The following RAG1 variants were observed in gnomAD, a reference collection of about 807,000 sequenced individuals.
RAG1 encodes the protein V(D)J recombination-activating protein 1.
In RAG1, 35 loss-of-function variants were observed where a neutral mutation model predicts 62.7. The ratio of observed to expected loss-of-function variants is 0.56; its 90% CI spans 0.43 to 0.74. RAG1 has a LOEUF of 0.74. Ranked by LOEUF, RAG1 falls within the 30% of genes least tolerant of loss-of-function variation. RAG1 has a pLI of 0.00. For missense variants in RAG1, 1,169 were observed against 1,278.6 expected (o/e 0.91, Z 1.31); for synonymous variants, 461 against 470.3 (o/e 0.98, Z 0.26).
At chr11:36,513,176 G>A (rs1237113098) in intron 1 of RAG1, among the ~76,000 whole-genome samples, 1 of 152,134 alleles carries the variant, frequency 6.6e-6, no homozygotes, top group Non-Finnish European at 1.5e-5. Flanking sequence ...ACAGCAAGAA[G>A]GCTCTTGCAA....
chr11:36,567,511 C>T (rs1850678108), upstream of RAG1: 1 of 152,030 alleles, frequency 6.6e-6, no homozygotes, highest in South Asian at 2.1e-4. Context: ...AAGATTTGAC[C>T]AGGTTGAAAG....
chr11:36,539,373 G>A (rs1860379571), downstream of RAG1, among the ~76,000 whole-genome samples: 1 of 152,216 alleles, frequency 6.6e-6, no homozygotes, highest in Non-Finnish European at 1.5e-5. Flanking sequence ...AAGCCATCCA[G>A]TCTGTGGTGT....
chr11:36,574,282 C>A lies in RAG1; in HGVS notation c.978C>A (p.Ser326Arg). ...CILRCLKVMG[S>R]YCPSCRYPCF... ...TCAGATGCCTCAAAGTCATGGGCAG[C>A]TATTGTCCCTCTTGCCGATATCCAT... is the stretch of plus-strand genomic sequence containing the variant. The change falls in exon 2 of 2, where the codon AGC becomes AGA. Residue 326 changes from serine (S) to arginine (R), a missense_variant. Ser to Arg is a moderately radical substitution (Grantham distance 110). Around this residue, in one of 2 missense-constraint regions of RAG1, gnomAD observed 800 missense variants for 943.3 expected, o/e 0.85. Coordinates refer to ENST00000299440, the MANE Select transcript of RAG1 (RefSeq NM_000448.3). 6 of 1,614,204 alleles carry A rather than the reference C, an allele frequency of 3.7e-6. No individual in the cohort carries two copies. The highest frequency in any genetic ancestry group is 5.1e-6 in the Non-Finnish European group (6 of 1,180,038).
Position 36,575,096 on chromosome 11 carries a change from G to C in RAG1, c.1792G>C (p.Val598Leu). 2 of 1,614,184 alleles carry C rather than the reference G, an allele frequency of 1.2e-6. No individual in the cohort carries two copies. Among genetic ancestry groups the C allele is most frequent in the South Asian group, 1.1e-5 (1 of 91,070 alleles). Reference protein sequence around the residue: ...DYLNGPFTVVVKESCDGMGDV... With the variant: ...DYLNGPFTVVLKESCDGMGDV... ...CCTGAATGGCCCCTTCACTGTGGTG[G>C]TGAAGGAGTCTTGTGATGGAATGGG... The change falls in exon 2 of 2, where the codon GTG becomes CTG. Residue 598 changes from valine (V) to leucine (L), a missense_variant. Physicochemically the swap from Val to Leu is conservative, Grantham distance 32. Coordinates refer to ENST00000299440, the MANE Select transcript of RAG1 (RefSeq NM_000448.3). This position sits in a 1 kb window ranked among gnomAD's most constrained non-coding sequence, Gnocchi z 4.1.
Position 36,578,895 on chromosome 11 carries a change from A to T in RAG1, c.*2459A>T, listed in dbSNP as rs1321770615. ...GCATTTGTGTGTGTATGTGTGAAGT[A>T]TATACTGGGACTTCAGAAGTGCAAT... On this transcript the variant is annotated 3_prime_UTR_variant, in exon 2 of 2. Transcript: ENST00000299440. 1 of 167,086 alleles carries T rather than the reference A, an allele frequency of 6.0e-6. No individual in the cohort carries two copies. Among genetic ancestry groups the T allele is most frequent in the Non-Finnish European group, 1.5e-5 (1 of 68,118 alleles). 10.4% of individuals were successfully genotyped at this position (167,086 alleles called of 1,614,324 possible).
intron 3 of RAG1, among the ~76,000 whole-genome samples, chr11:36,562,892 A>G (rs1357390439): frequency 6.6e-6 from 1 of 152,080 alleles, no homozygotes; most frequent in Non-Finnish European, 1.5e-5. Flanking sequence ...AATCTCCATA[A>G]TTGTGTGATC....
chr11:36,547,184 C>A (rs980908157), intron 3 of RAG1, among the ~76,000 whole-genome samples: 3 of 152,084 alleles, frequency 2.0e-5, no homozygotes, highest in Non-Finnish European at 4.4e-5. Context: ...TGGGGAAGAT[C>A]TAAAATCGAC....
Position 36,524,719 on chromosome 11 carries a change from G to A in RAG1, n.428+4490G>A, listed in dbSNP as rs181333308. 7.0e-4 allele frequency among the ~76,000 whole-genome samples: 107 copies of A among 152,122 alleles called. 1 individual carries two copies. The South Asian group carries it at 0.01, about 14-fold the overall frequency. The stretch of plus-strand genomic sequence containing the variant: ...TTGCCAGAGTTGGCCTCAAACTCCT[G>A]GATTCAAGCGACCCACCCACCTCGG... On this transcript the variant is annotated intron_variant and non_coding_transcript_variant, in intron 2 of 2. Coordinates refer to the RAG1 transcript ENST00000529126.
At position 36,579,419 on chromosome 11, in the gene RAG1, A is replaced by C. The variant is rs1458701673; in HGVS notation, c.*2983A>C. The C allele has an allele frequency of 6.0e-6, 1 of 167,060 alleles. No individual in the cohort carries two copies. The highest frequency in any genetic ancestry group is 1.5e-5 in the Non-Finnish European group (1 of 68,126). 10.3% of individuals were successfully genotyped at this position (167,060 alleles called of 1,614,324 possible). On this transcript the variant is annotated 3_prime_UTR_variant, in exon 2 of 2. Transcript: ENST00000299440. ...ACCCATTTTACATTTTCTTATTTTA[A>C]CTACAGTAATCTACATAAATATACC...
chr11:36,549,258 C>A (rs964044784), intron 3 of RAG1, among the ~76,000 whole-genome samples: 8 of 152,138 alleles, frequency 5.3e-5, no homozygotes, highest in Non-Finnish European at 7.4e-5. Flanking sequence ...GCAACAAAAG[C>A]CAAAATTGAC....
downstream of RAG1, among the ~76,000 whole-genome samples, chr11:36,538,783 C>T (rs1003809870): frequency 4.6e-5 from 7 of 152,104 alleles, no homozygotes; most frequent in African/African-American, 9.7e-5. Flanking sequence ...TTATCTGAGG[C>T]GGATTTTCAA....
intron 3 of RAG1, among the ~76,000 whole-genome samples, chr11:36,546,986 A>C (rs868828751): frequency 1.3e-5 from 2 of 151,708 alleles, no homozygotes; most frequent in African/African-American, 2.4e-5. Flanking sequence ...GGCTGCCCTT[A>C]ACATTTTTTC....
chr11:36,560,315 G>T (rs945906704), intron 3 of RAG1, among the ~76,000 whole-genome samples: 1 of 152,160 alleles, frequency 6.6e-6, no homozygotes, highest in South Asian at 2.1e-4. Context: ...GGCATGCATG[G>T]CAGTGCCCCT....
At chr11:36,535,044 G>C (rs891004657) in intron 2 of RAG1, among the ~76,000 whole-genome samples, 1 of 152,066 alleles carries the variant, frequency 6.6e-6, no homozygotes, top group Admixed American at 6.5e-5. Flanking sequence ...TTTGACTGGA[G>C]GATTGTTCCA....
intron 2 of RAG1, among the ~76,000 whole-genome samples, chr11:36,530,005 CTA>C (rs1340506174): frequency 6.6e-6 from 1 of 151,974 alleles, no homozygotes; most frequent in African/African-American, 2.4e-5. Context: ...TCCTTAATAA[CTA>C]TGCAACTACT....
intron 1 of RAG1, among the ~76,000 whole-genome samples, chr11:36,513,737 C>A (rs949569476): frequency 1.3e-5 from 2 of 152,170 alleles, no homozygotes; most frequent in African/African-American, 4.8e-5. Context: ...TCTTACATGG[C>A]AGCAGACAAG....
At chr11:36,544,269 A>G (rs372648219) in intron 3 of RAG1, among the ~76,000 whole-genome samples, 21 of 152,324 alleles carry the variant, frequency 1.4e-4, no homozygotes, top group African/African-American at 4.3e-4. Flanking sequence ...AAGTGTTCTT[A>G]TCAGAGAAGA....
At chr11:36,539,456 T>A (rs1250085159), downstream of RAG1, among the ~76,000 whole-genome samples, 1 of 152,204 alleles carries the variant, frequency 6.6e-6, no homozygotes, top group Non-Finnish European at 1.5e-5. Flanking sequence ...AGAGACTTCT[T>A]CTGGGGATCT....
Position 36,576,415 on chromosome 11 carries a change from C to G in RAG1, c.3111C>G (p.Ser1037Arg), listed in dbSNP as rs767836814. The change falls in exon 2 of 2, where the codon AGC becomes AGG. Residue 1037 changes from serine to arginine, a missense_variant. Physicochemically the swap from Ser to Arg is moderately radical, Grantham distance 110. Transcript: ENST00000299440. Reference sequence around the variant, plus strand: ...TAGGCATAGAGGACTCTCTGGAAAGCCAAGATTCAATGGAATTTTAAGTAG... The same window carrying G: ...TAGGCATAGAGGACTCTCTGGAAAGGCAAGATTCAATGGAATTTTAAGTAG... ...DPLGIEDSLE[S>R]QDSMEF 2 of 1,614,138 alleles carry G rather than the reference C, an allele frequency of 1.2e-6. No individual in the cohort carries two copies. Among genetic ancestry groups the G allele is most frequent in the Non-Finnish European group, 1.7e-6 (2 of 1,180,028 alleles).
Sources: allele counts gnomAD v4.1 joint callset (sites outside exome capture counted in the v4.1 genomes callset), GRCh38; gene constraint gnomAD v4.1.1; regional missense constraint gnomAD v4.1.1; non-coding constraint Gnocchi (gnomAD v3.1); transcripts MANE v1.5; gene names NCBI Gene and HGNC (gene_info 2026-07-23, HGNC 2026-07-21).